The following IRGM variants were observed in gnomAD, a reference collection of about 807,000 sequenced individuals.
IRGM encodes immunity-related GTPase family M protein.
For missense variants in IRGM, 288 were observed against 219.9 expected (o/e 1.31, Z -1.96); for synonymous variants, 98 against 80.6 (o/e 1.22, Z -1.16).
chr5:150,896,969 C>T (rs140184420), intron 3 of IRGM: 81 of 1,604,728 alleles, frequency 5.0e-5, no homozygotes, highest in Middle Eastern at 1.7e-4. Flanking sequence ...GGTTACTCTT[C>T]CTGTCTAAAA....
downstream of IRGM, among the ~76,000 whole-genome samples, chr5:150,850,642 G>A (rs552373882): frequency 1.6e-4 from 24 of 152,202 alleles, no homozygotes; most frequent in South Asian, 3.9e-3. Context: ...GCTTACTTGA[G>A]CCTCGAACTC....
intron 3 of IRGM, among the ~76,000 whole-genome samples, chr5:150,887,943 A>G (rs1754551115): frequency 6.6e-6 from 1 of 151,138 alleles, no homozygotes; most frequent in South Asian, 2.1e-4. Context: ...AATGACACAC[A>G]TCAACAATAA....
chr5:150,893,743 G>T (rs1466764800), intron 3 of IRGM, among the ~76,000 whole-genome samples: 1 of 152,134 alleles, frequency 6.6e-6, no homozygotes, highest in Non-Finnish European at 1.5e-5. Context: ...TGTAGCTTCA[G>T]TTCCATATAA....
chr5:150,856,936 T>TTA (rs1255363032), intron 1 of IRGM, among the ~76,000 whole-genome samples: 17 of 142,836 alleles, frequency 1.2e-4, no homozygotes, highest in South Asian at 2.2e-4. Context: ...TATTTATTAT[T>TTA]TTATTTTATT....
intron 3 of IRGM, among the ~76,000 whole-genome samples, chr5:150,885,392 A>AC (rs1393347131): frequency 6.6e-6 from 1 of 152,108 alleles, no homozygotes; most frequent in Non-Finnish European, 1.5e-5. Context: ...TGCCTTGGCT[A>AC]CTTGAGATCT....
At chr5:150,854,590 T>C (rs1253988558) in intron 1 of IRGM, among the ~76,000 whole-genome samples, 1 of 152,180 alleles carries the variant, frequency 6.6e-6, no homozygotes, top group Non-Finnish European at 1.5e-5. Flanking sequence ...GAATTCTCAG[T>C]TGACAAGTAT....
chr5:150,873,608 T>A, intron 1 of IRGM, among the ~76,000 whole-genome samples: 1 of 151,868 alleles, frequency 6.6e-6, no homozygotes, highest in Non-Finnish European at 1.5e-5. Context: ...GGAGATCAGG[T>A]AATTAATGGA....
In IRGM at chr5:150,884,926, C is replaced by T. The variant is rs529539696; in HGVS notation, c.*140+5280C>T. On this transcript the variant is annotated intron_variant and NMD_transcript_variant, in intron 3 of 3. Transcript: ENST00000520549. ...CAGAAACTCTGTAGTTTAATTAGAT[C>T]CCATTTGTCAACTGTCACGTTTGTC... Among the ~76,000 whole-genome samples the T allele has an allele frequency of 6.6e-5, 10 of 152,200 alleles. No individual in the cohort carries two copies. In the South Asian group the frequency reaches 8.3e-4, roughly 13 times the overall value.
At chr5:150,859,795 G>T (rs2113262652) in intron 1 of IRGM, among the ~76,000 whole-genome samples, 1 of 152,002 alleles carries the variant, frequency 6.6e-6, no homozygotes, top group Middle Eastern at 3.4e-3. Context: ...ATTTTTTATT[G>T]CATCTATTTG....
At chr5:150,849,610 T>C (rs1454728109), downstream of IRGM, among the ~76,000 whole-genome samples, 699 of 147,928 alleles carry the variant, frequency 4.7e-3, 6 homozygotes, top group African/African-American at 0.017. Flanking sequence ...TCTCTCTTTT[T>C]TTTTTTTTTT....
intron 1 of IRGM, 96 bp downstream of exon 1, chr5:150,847,316 G>A (rs1385669304): frequency 6.6e-6 from 1 of 152,308 alleles, no homozygotes; most frequent in Admixed American, 6.6e-5. Context: ...GAAATATATA[G>A]GTCACTTTTA....
At chr5:150,866,925 G>C (rs997226545) in intron 1 of IRGM, among the ~76,000 whole-genome samples, 1 of 150,686 alleles carries the variant, frequency 6.6e-6, no homozygotes, top group African/African-American at 2.5e-5. Flanking sequence ...TTGCTTATTT[G>C]TTTTATTGAC....
At chr5:150,872,784 T>A (rs2113278743) in intron 1 of IRGM, among the ~76,000 whole-genome samples, 1 of 152,300 alleles carries the variant, frequency 6.6e-6, no homozygotes, top group East Asian at 1.9e-4. Flanking sequence ...CTAATCTCCC[T>A]TGGTGTAATG....
intron 3 of IRGM, among the ~76,000 whole-genome samples, chr5:150,900,131 A>G (rs1436395973): frequency 6.6e-6 from 1 of 152,150 alleles, no homozygotes; most frequent in Non-Finnish European, 1.5e-5. Context: ...AGATGATTAC[A>G]TACTAAATAT....
chr5:150,900,619 G>C (rs1040402302), exon 4 of IRGM: 1 of 151,976 alleles, frequency 6.6e-6, no homozygotes. Context: ...ACGTAAATCT[G>C]CTCAGGATAT....
chr5:150,901,368 A>G (rs977752819), downstream of IRGM, among the ~76,000 whole-genome samples: 1 of 152,082 alleles, frequency 6.6e-6, no homozygotes, highest in Non-Finnish European at 1.5e-5. Flanking sequence ...CTTAAAAACT[A>G]CTAGTGAGTT....
intron 1 of IRGM, among the ~76,000 whole-genome samples, chr5:150,866,331 T>G (rs766673960): frequency 6.6e-6 from 1 of 152,098 alleles, no homozygotes; most frequent in Non-Finnish European, 1.5e-5. Flanking sequence ...TGACCACATT[T>G]AGGGAGAAGA....
In IRGM at chr5:150,848,316, C is replaced by T. The variant is rs1237785008; in HGVS notation, c.193C>T (p.Pro65Ser). The T allele has an allele frequency of 7.7e-6, 12 of 1,551,724 alleles. No individual in the cohort carries two copies. Among genetic ancestry groups the T allele is most frequent in the Non-Finnish European group, 8.7e-7 (1 of 1,146,990 alleles). The change falls in exon 2 of 2, where the codon CCT (proline) becomes TCT (serine). Residue 65 changes from proline (P) to serine (S), a missense_variant. Coordinates refer to ENST00000522154, the MANE Select transcript of IRGM (RefSeq NM_001145805.2). Reference sequence around the variant, plus strand: ...AGGACATGAGGGTAAGGCCTCACCTCCTACTGAGCTGGTAAAAGCTACCCA... The same window carrying T: ...AGGACATGAGGGTAAGGCCTCACCTTCTACTGAGCTGGTAAAAGCTACCCA... Reference protein sequence around the residue: ...NTGHEGKASPPTELVKATQRC... With the variant: ...NTGHEGKASPSTELVKATQRC...
downstream of IRGM, among the ~76,000 whole-genome samples, chr5:150,851,959 A>G (rs1753983884): frequency 1.3e-5 from 2 of 152,224 alleles, no homozygotes; most frequent in African/African-American, 2.4e-5. Flanking sequence ...CATGTATGGC[A>G]TGTACATGAT....
Sources: allele counts gnomAD v4.1 joint callset (sites outside exome capture counted in the v4.1 genomes callset), GRCh38; gene constraint gnomAD v4.1.1; transcripts MANE v1.5; gene names NCBI Gene and HGNC (gene_info 2026-07-23, HGNC 2026-07-21).